KCNIP4: variants seen among roughly 807,000 people sequenced by gnomAD.
The protein encoded by KCNIP4 is potassium voltage-gated channel interacting protein 4.
KCNIP4 carries 12 observed loss-of-function variants against 34.0 expected under a neutral mutation model. The ratio of observed to expected loss-of-function variants is 0.35; its 90% CI spans 0.23 to 0.57. The LOEUF (loss-of-function observed/expected upper bound fraction) is 0.57, where lower values mean the gene tolerates loss of function less well. KCNIP4 is among the 20% of genes least tolerant of loss of function. KCNIP4 has a pLI of 0.83. For missense variants in KCNIP4, 238 were observed against 311.7 expected (o/e 0.76, Z 1.78); for synonymous variants, 124 against 102.2 (o/e 1.21, Z -1.29).
chr4:21,918,279 A>T (rs1333474608), intron 1 of KCNIP4, among the ~76,000 whole-genome samples: 5 of 152,212 alleles, frequency 3.3e-5, no homozygotes, highest in Non-Finnish European at 7.3e-5. Context: ...TACTTCTCAT[A>T]CTTTGGAATC....
chr4:21,327,703 T>C (rs1218159522), intron 1 of KCNIP4, among the ~76,000 whole-genome samples: 1 of 152,096 alleles, frequency 6.6e-6, no homozygotes, highest in African/African-American at 2.4e-5. Context: ...GAGGCTATTT[T>C]CCAGATCACG....
chr4:20,921,930 A>G (rs1016933430), intron 1 of KCNIP4, among the ~76,000 whole-genome samples: 1 of 152,260 alleles, frequency 6.6e-6, no homozygotes, highest in Admixed American at 6.5e-5. Context: ...CATAACTATA[A>G]TAGTTAAACT....
intron 1 of KCNIP4, among the ~76,000 whole-genome samples, chr4:20,995,889 C>A (rs1330493508): frequency 6.6e-6 from 1 of 152,076 alleles, no homozygotes; most frequent in Non-Finnish European, 1.5e-5. Flanking sequence ...AAGGAATGCA[C>A]ATAAGTTACT....
chr4:21,549,353 G>C (rs1738376298), intron 1 of KCNIP4, among the ~76,000 whole-genome samples: 1 of 151,896 alleles, frequency 6.6e-6, no homozygotes, highest in Non-Finnish European at 1.5e-5. Flanking sequence ...GGTGGGAGGG[G>C]TTTTGGTCAT....
At chr4:20,894,630 C>A (rs372723127) in intron 1 of KCNIP4, among the ~76,000 whole-genome samples, 4 of 152,062 alleles carry the variant, frequency 2.6e-5, no homozygotes, top group Non-Finnish European at 5.9e-5. Context: ...AAGGAGAAAA[C>A]GGAGGAGGAT....
At chr4:21,675,139 T>C (rs931737443) in intron 1 of KCNIP4, among the ~76,000 whole-genome samples, 5 of 152,146 alleles carry the variant, frequency 3.3e-5, no homozygotes, top group Admixed American at 6.6e-5. Flanking sequence ...ATCCAGTCAT[T>C]TGTAACATCA....
At chr4:20,734,868 T>TC in intron 5 of KCNIP4, 133 bp from the exon 6 acceptor site, 1 of 490,336 alleles carries the variant, frequency 2.0e-6, no homozygotes, top group South Asian at 3.0e-5. Flanking sequence ...GTGTTATTGG[T>TC]TGTCTAGTTT....
chr4:21,307,912 A>G (rs574174280), intron 1 of KCNIP4, among the ~76,000 whole-genome samples: 2 of 152,340 alleles, frequency 1.3e-5, no homozygotes, highest in South Asian at 2.1e-4. Context: ...AATACAAGGA[A>G]GGCAGCCAAG....
intron 3 of KCNIP4, among the ~76,000 whole-genome samples, chr4:20,831,192 A>G (rs1160887606): frequency 7.2e-6 from 1 of 139,502 alleles, no homozygotes; most frequent in East Asian, 2.1e-4. Context: ...GATCTAGCAC[A>G]TATAATCATC....
chr4:21,336,250 A>G (rs1411654117), intron 1 of KCNIP4, among the ~76,000 whole-genome samples: 2 of 152,208 alleles, frequency 1.3e-5, no homozygotes, highest in East Asian at 3.9e-4. Context: ...ATTGATATAT[A>G]TTTAGATGAT....
chr4:21,245,355 T>G (rs1760121069), intron 1 of KCNIP4, among the ~76,000 whole-genome samples: 1 of 152,196 alleles, frequency 6.6e-6, no homozygotes, highest in Non-Finnish European at 1.5e-5. Context: ...TAGAAGAATT[T>G]TACTTGCTCA....
intron 1 of KCNIP4, among the ~76,000 whole-genome samples, chr4:21,924,082 A>G (rs1159083995): frequency 1.3e-5 from 2 of 152,202 alleles, no homozygotes; most frequent in African/African-American, 2.4e-5. Flanking sequence ...TATAGGTGTC[A>G]ATAATCACAT....
chr4:21,596,920 T>C (rs1286426663), intron 1 of KCNIP4, among the ~76,000 whole-genome samples: 2 of 151,960 alleles, frequency 1.3e-5, no homozygotes, highest in East Asian at 3.9e-4. Flanking sequence ...TCCGAGGAGA[T>C]GGAGAGCCAG....
At chr4:21,326,103 G>T (rs1412216090) in intron 1 of KCNIP4, among the ~76,000 whole-genome samples, 1 of 151,696 alleles carries the variant, frequency 6.6e-6, no homozygotes, top group Non-Finnish European at 1.5e-5. Context: ...AATATCTAAG[G>T]TTCATTTAGT....
intron 1 of KCNIP4, among the ~76,000 whole-genome samples, chr4:21,577,205 CT>C (rs1360419776): frequency 1.3e-5 from 2 of 152,148 alleles, no homozygotes; most frequent in African/African-American, 4.8e-5. Flanking sequence ...GGAGTTTCCC[CT>C]GTCTGAAAAA....
In KCNIP4 at chr4:20,829,485, G is replaced by A. The variant is rs181428337; in HGVS notation, c.288+21058C>T. 4.3e-3 allele frequency among the ~76,000 whole-genome samples: 662 copies of A among 152,264 alleles called. 1 individual carries two copies. Among genetic ancestry groups the A allele is most frequent in the South Asian group, 7.3e-3 (35 of 4,818 alleles). ...GCCTCCCAAAGTGTTGGGATTACAG[G>A]CGTGAGCCACCGCGCCTGGCCCAGA... On this transcript the variant is annotated intron_variant, in intron 3 of 8. Transcript: ENST00000382152.
chr4:20,779,614 A>ACCTG (rs1300987583), intron 3 of KCNIP4, among the ~76,000 whole-genome samples: 1 of 149,598 alleles, frequency 6.7e-6, no homozygotes, highest in African/African-American at 2.5e-5. Context: ...GAAAACAAAA[A>ACCTG]AAATTTCAGG....
At chr4:21,373,018 T>G (rs1446094518) in intron 1 of KCNIP4, among the ~76,000 whole-genome samples, 1 of 145,772 alleles carries the variant, frequency 6.9e-6, no homozygotes, top group Admixed American at 6.7e-5. Flanking sequence ...AAAATATAAT[T>G]TAAACATAAT....
chr4:21,600,134 C>G (rs534491151), intron 1 of KCNIP4, among the ~76,000 whole-genome samples: 30 of 152,170 alleles, frequency 2.0e-4, no homozygotes, highest in South Asian at 1.0e-3. Flanking sequence ...ACTGAAAGGG[C>G]CAGGCTTGGT....
Sources: gnomAD v4.1 joint callset for allele counts (sites outside exome capture counted in the v4.1 genomes callset) on GRCh38, gnomAD v4.1.1 for gene constraint, MANE v1.5 for transcripts, NCBI Gene and HGNC (gene_info 2026-07-23, HGNC 2026-07-21) for gene names.